Variants in CNTFR observed in about 807,000 individuals in gnomAD.
The protein encoded by CNTFR is ciliary neurotrophic factor receptor subunit alpha.
CNTFR carries 12 observed loss-of-function variants against 40.4 expected under a neutral mutation model. That is an observed-to-expected ratio of 0.30 (90% confidence interval 0.19 to 0.48). The LOEUF (loss-of-function observed/expected upper bound fraction) is 0.48, where lower values mean the gene tolerates loss of function less well. CNTFR is among the 20% of genes least tolerant of loss of function. The pLI is 0.99. For missense variants in CNTFR, 414 were observed against 506.8 expected (o/e 0.82, Z 1.76); for synonymous variants, 202 against 209.6 (o/e 0.96, Z 0.31).
intron 3 of CNTFR, among the ~76,000 whole-genome samples, chr9:34,566,823 G>A (rs1484196531): frequency 6.6e-6 from 1 of 152,096 alleles, no homozygotes; most frequent in Non-Finnish European, 1.5e-5. Context: ...ACATACAATG[G>A]CTATGGGATA....
chr9:34,556,466 C>T, intron 6 of CNTFR, 48 bp from the exon 7 acceptor site: 1 of 1,529,266 alleles, frequency 6.5e-7, no homozygotes. Flanking sequence ...CTGGCAACAA[C>T]CCACTTTGTC....
chr9:34,573,146 CG>C (rs5897575), intron 2 of CNTFR, among the ~76,000 whole-genome samples: 149,665 of 152,284 alleles, frequency 0.98, 73,593 homozygotes, highest in East Asian at 1. Context: ...AGCAATGTTC[CG>C]GGTTGCCCTG....
At chr9:34,583,144 C>T (rs1827389410) in intron 1 of CNTFR, among the ~76,000 whole-genome samples, 1 of 152,206 alleles carries the variant, frequency 6.6e-6, no homozygotes, top group Admixed American at 6.5e-5. Flanking sequence ...ATGGTCCCCT[C>T]CATCCTCACC....
chr9:34,581,409 G>A (rs566199383), intron 1 of CNTFR, among the ~76,000 whole-genome samples: 1 of 152,294 alleles, frequency 6.6e-6, no homozygotes, highest in South Asian at 2.1e-4. Context: ...GAACCACAGG[G>A]ACAAAGGTTG....
chr9:34,571,690 G>A (rs1826665346), intron 2 of CNTFR, among the ~76,000 whole-genome samples: 1 of 152,144 alleles, frequency 6.6e-6, no homozygotes, highest in Admixed American at 6.5e-5. Context: ...CGGGGCTGCA[G>A]CCACGGGAGA....
chr9:34,583,583 C>G (rs79671816), intron 1 of CNTFR, among the ~76,000 whole-genome samples: 1 of 151,728 alleles, frequency 6.6e-6, no homozygotes, highest in Non-Finnish European at 1.5e-5. Flanking sequence ...TTCCTGAGCA[C>G]CCCCCAACCC....
Position 34,564,804 on chromosome 9 carries a change from C to T in CNTFR, c.114G>A (p.Leu38=). ...CACATGGCAGTGTCACGTCAGAGCC[C>T]AGGCGCTCGTACTGCACATGGGGTG... is the stretch of plus-strand genomic sequence containing the variant. ...QEAPHVQYER[L]GSDVTLPCGT... Residue 38 remains leucine (L), a synonymous_variant, in exon 4 of 10, where the codon CTG becomes CTA. Transcript: ENST00000378980. 1 of 1,613,772 alleles carries T rather than the reference C, an allele frequency of 6.2e-7. No individual in the cohort carries two copies. The highest frequency in any genetic ancestry group is 8.5e-7 in the Non-Finnish European group (1 of 1,179,978).
chr9:34,566,903 C>T (rs1482100306), intron 3 of CNTFR, among the ~76,000 whole-genome samples: 2 of 152,028 alleles, frequency 1.3e-5, no homozygotes, highest in African/African-American at 2.4e-5. Context: ...AATGACAGAC[C>T]GATGATGTAA....
At chr9:34,587,319 T>G (rs1233961291) in intron 1 of CNTFR, among the ~76,000 whole-genome samples, 1 of 152,124 alleles carries the variant, frequency 6.6e-6, no homozygotes, top group Non-Finnish European at 1.5e-5. Flanking sequence ...GTATCCCTTT[T>G]TAAGTCTGAG....
Position 34,552,668 on chromosome 9 carries a change from GCTCA to G in CNTFR, c.949+2_949+5del. On this transcript the variant is annotated splice_donor_variant and splice_donor_5th_base_variant and intron_variant, in intron 8 of 9. Coordinates refer to ENST00000378980, the MANE Select transcript of CNTFR (RefSeq NM_147164.3). LOFTEE classifies it high-confidence loss of function. This position sits in a 1 kb window ranked among gnomAD's most constrained non-coding sequence, Gnocchi z 5.1. ...AGCCAGGAGGTAGGGGCGGGAGCAAGCTCACCCGCAGCCTGGGCCTCCGTGGTGA... is the reference window on the plus strand; with the variant it reads ...AGCCAGGAGGTAGGGGCGGGAGCAAGCCCGCAGCCTGGGCCTCCGTGGTGA... The G allele has an allele frequency of 6.2e-7, 1 of 1,611,938 alleles. No individual in the cohort carries two copies. The highest frequency in any genetic ancestry group is 1.1e-5 in the South Asian group (1 of 91,000).
intron 2 of CNTFR, among the ~76,000 whole-genome samples, chr9:34,570,706 A>C (rs1210547363): frequency 6.6e-6 from 1 of 152,218 alleles, no homozygotes; most frequent in Non-Finnish European, 1.5e-5. Flanking sequence ...AAACAGCCAG[A>C]CACACAGCCA....
intron 7 of CNTFR, among the ~76,000 whole-genome samples, chr9:34,553,155 T>C (rs976978147): frequency 1.3e-5 from 2 of 152,158 alleles, no homozygotes; most frequent in African/African-American, 4.8e-5. Context: ...ACAACTCTGC[T>C]GTTGCCCCTG....
chr9:34,574,087 C>T (rs77328071), intron 2 of CNTFR, among the ~76,000 whole-genome samples: 5,521 of 137,496 alleles, frequency 0.04, 272 homozygotes, highest in African/African-American at 0.11. Context: ...GCCTGGACAG[C>T]GTGGGCGGTG....
At chr9:34,554,361 T>C (rs1344187924) in intron 7 of CNTFR, among the ~76,000 whole-genome samples, 1 of 152,164 alleles carries the variant, frequency 6.6e-6, no homozygotes, top group Non-Finnish European at 1.5e-5. Context: ...TGCCACCTCA[T>C]TGTGGGCTTA....
At chr9:34,553,791 C>A (rs1343858406) in intron 7 of CNTFR, among the ~76,000 whole-genome samples, 2 of 152,242 alleles carry the variant, frequency 1.3e-5, no homozygotes, top group African/African-American at 4.8e-5. Context: ...GGCTCTGGTT[C>A]ATCTCAGTGG....
intron 2 of CNTFR, among the ~76,000 whole-genome samples, chr9:34,574,340 C>T (rs1274382338): frequency 6.6e-6 from 1 of 152,204 alleles, no homozygotes; most frequent in Non-Finnish European, 1.5e-5. Context: ...TCTTTTCCCT[C>T]CTCTCTGAAT....
intron 4 of CNTFR, among the ~76,000 whole-genome samples, chr9:34,559,350 A>G (rs1825976698): frequency 6.6e-6 from 1 of 152,116 alleles, no homozygotes; most frequent in African/African-American, 2.4e-5. Context: ...GCAGCAGAAG[A>G]GATGAGGGGG....
At chr9:34,556,976 G>C (rs1587122019) in intron 6 of CNTFR, among the ~76,000 whole-genome samples, 1 of 152,126 alleles carries the variant, frequency 6.6e-6, no homozygotes, top group African/African-American at 2.4e-5. Context: ...CTCTGTCTAG[G>C]GATCCAGCCA....
intron 3 of CNTFR, among the ~76,000 whole-genome samples, 155 bp downstream of exon 3, chr9:34,568,742 A>G (rs115653333): frequency 3.9e-4 from 59 of 152,256 alleles, no homozygotes; most frequent in African/African-American, 1.4e-3. Context: ...AGGACTGTGC[A>G]TATCAGTGTC....
Sources: allele counts gnomAD v4.1 joint callset (sites outside exome capture counted in the v4.1 genomes callset), GRCh38; gene constraint gnomAD v4.1.1; non-coding constraint Gnocchi (gnomAD v3.1); transcripts MANE v1.5; gene names NCBI Gene and HGNC (gene_info 2026-07-23, HGNC 2026-07-21).